The following EPHX1 variants were observed in gnomAD, a reference collection of about 807,000 sequenced individuals.
EPHX1 encodes epoxide hydratase.
In EPHX1, 40 loss-of-function variants were observed where a neutral mutation model predicts 43.2. The ratio of observed to expected loss-of-function variants is 0.93; its 90% CI spans 0.72 to 1.21. The LOEUF is 1.21. Among genes scored for constraint, EPHX1 ranks in the 50% most tolerant of loss-of-function variants. EPHX1 has a pLI of 0.00. For missense variants in EPHX1, 550 were observed against 570.4 expected (o/e 0.96, Z 0.36); for synonymous variants, 221 against 226.7 (o/e 0.98, Z 0.22).
At chr1:225,829,801 G>A (rs747959160) in intron 2 of EPHX1, among the ~76,000 whole-genome samples, 1 of 152,170 alleles carries the variant, frequency 6.6e-6, no homozygotes, top group Non-Finnish European at 1.5e-5. Flanking sequence ...TAGGCTAGGT[G>A]CGGTGGCTCA....
chr1:225,829,436 C>T (rs1667454900), intron 2 of EPHX1, among the ~76,000 whole-genome samples: 1 of 152,172 alleles, frequency 6.6e-6, no homozygotes, highest in South Asian at 2.1e-4. Context: ...TAAAGCAACT[C>T]GTTCAAGGCG....
chr1:225,834,039 A>G lies in EPHX1; in HGVS notation c.364+2080A>G, dbSNP rs562799841. On this transcript the variant is annotated intron_variant, in intron 3 of 8. Coordinates refer to ENST00000272167, the MANE Select transcript of EPHX1 (RefSeq NM_001136018.4). Reference sequence around the variant, plus strand: ...CGTGAACCCGGAAGGCGGAGCTTGCAGTGAGCCCAGATTGCGCCACTGCAC... The same window carrying G: ...CGTGAACCCGGAAGGCGGAGCTTGCGGTGAGCCCAGATTGCGCCACTGCAC... 3.5e-3 allele frequency among the ~76,000 whole-genome samples: 470 copies of G among 135,966 alleles called. 13 individuals are homozygous for G. Among genetic ancestry groups the G allele is most frequent in the Admixed American group, 0.034 (436 of 12,698 alleles). The allele number at this position is 135,966 out of a possible 152,430, so 89.2% of individuals were successfully genotyped here.
At position 225,828,809 on chromosome 1, in the gene EPHX1, T is replaced by C; in HGVS notation, c.80T>C (p.Leu27Ser). The C allele has an allele frequency of 6.2e-7, 1 of 1,613,836 alleles. No individual in the cohort carries two copies. The highest frequency in any genetic ancestry group is 1.1e-5 in the South Asian group (1 of 90,964). The change falls in exon 2 of 9, where the codon TTG becomes TCG. Residue 27 changes from leucine to serine, a missense_variant. Leu to Ser is a moderately radical substitution (Grantham distance 145). Coordinates refer to ENST00000272167, the MANE Select transcript of EPHX1 (RefSeq NM_001136018.4). ...ATCTCCCGGGACAAAGAGGAAACTT[T>C]GCCACTTGAAGATGGGTGGTGGGGG... is the stretch of plus-strand genomic sequence containing the variant. ...WFISRDKEET[L>S]PLEDGWWGPG...
rs776326898 is a variant in EPHX1 at position 225,845,241 on chromosome 1, TCTC to T, written c.1265_1267del (p.Ser422del). ...GTGAGGTTCAAGTACCCAAAGCTCA[TCTC>T]CTATTCCTACATGGTTCGTGGGGGC... On this transcript the variant is annotated inframe_deletion, in exon 9 of 9. Coordinates refer to ENST00000272167, the MANE Select transcript of EPHX1 (RefSeq NM_001136018.4). The T allele has an allele frequency of 1.3e-5, 21 of 1,614,058 alleles. No homozygotes were observed. Among genetic ancestry groups the T allele is most frequent in the East Asian group, 2.2e-5 (1 of 44,864 alleles).
chr1:225,825,885 C>A (rs909383346), intron 1 of EPHX1, among the ~76,000 whole-genome samples: 1 of 152,244 alleles, frequency 6.6e-6, no homozygotes, highest in Non-Finnish European at 1.5e-5. Context: ...ATGTGTCTCC[C>A]AGTCCCTAAC....
intron 3 of EPHX1, among the ~76,000 whole-genome samples, chr1:225,834,110 AAG>A (rs1553485369): frequency 8.5e-5 from 3 of 35,106 alleles, no homozygotes; most frequent in Non-Finnish European, 1.7e-4. Context: ...AAAAAAAAAA[AAG>A]AAAAAAAAAA....
Position 225,845,383 on chromosome 1 carries a change from C to A in EPHX1, c.*36C>A, listed in dbSNP as rs1180631633. 6 of 1,539,762 alleles carry A rather than the reference C, an allele frequency of 3.9e-6. 1 individual carries two copies. In the South Asian group the frequency reaches 4.7e-5, roughly 12 times the overall value. On this transcript the variant is annotated 3_prime_UTR_variant, in exon 9 of 9. Transcript: ENST00000272167. ...TCCCCCCGCCTGCCACCTCCCCCCA[C>A]AAGTGCCCTCCAGGCTTTTCTTGGG...
At position 225,817,530 on chromosome 1, in the gene EPHX1, C is replaced by T. The variant is rs1312253946; in HGVS notation, c.-6+7361C>T. Among the ~76,000 whole-genome samples, 2 of 152,152 alleles carry T rather than the reference C, an allele frequency of 1.3e-5. No individual in the cohort carries two copies. The highest frequency in any genetic ancestry group is 4.8e-5 in the African/African-American group (2 of 41,444). ...GGCAGTATGGGGGCAGGCTTGGGAC[C>T]AGGCCTGCAGAAGCAGCAGACCCTC... On this transcript the variant is annotated intron_variant, in intron 1 of 8. Transcript: ENST00000272167. The surrounding 1 kb of genome is among the most constrained non-coding windows in gnomAD (Gnocchi z 5.7).
At chr1:225,834,432 C>T (rs533246133) in intron 3 of EPHX1, among the ~76,000 whole-genome samples, 7 of 151,928 alleles carry the variant, frequency 4.6e-5, no homozygotes, top group South Asian at 2.1e-4. Flanking sequence ...GAAGGATGGA[C>T]GGAAACCTCG....
chr1:225,837,007 C>T (rs1211500901), intron 3 of EPHX1, among the ~76,000 whole-genome samples: 2 of 152,148 alleles, frequency 1.3e-5, no homozygotes, highest in African/African-American at 2.4e-5. Context: ...CAGTCTGGTT[C>T]GTTAATTGTA....
At chr1:225,813,728 C>T (rs1256343279) in intron 1 of EPHX1, among the ~76,000 whole-genome samples, 1 of 152,204 alleles carries the variant, frequency 6.6e-6, no homozygotes, top group Admixed American at 6.5e-5. Context: ...GTTCAGAGAC[C>T]TGGTGTGGAG....
intron 1 of EPHX1, among the ~76,000 whole-genome samples, chr1:225,824,445 TTAAA>T (rs1439510291): frequency 5.3e-5 from 8 of 152,160 alleles, no homozygotes; most frequent in African/African-American, 1.9e-4. Context: ...GATTCTTGCC[TTAAA>T]TAAGTGAAAA....
At chr1:225,822,665 T>G (rs181760005) in intron 1 of EPHX1, among the ~76,000 whole-genome samples, 2 of 152,336 alleles carry the variant, frequency 1.3e-5, no homozygotes, top group African/African-American at 2.4e-5. Context: ...AGGTGAAGGC[T>G]TAGCCACCAG....
chr1:225,845,035 C>T, intron 8 of EPHX1, 111 bp from the exon 9 acceptor site: 3 of 1,172,372 alleles, frequency 2.6e-6, no homozygotes, highest in Non-Finnish European at 3.8e-6. Flanking sequence ...TTTATGGCTC[C>T]TTGTGGGTGG....
intron 1 of EPHX1, among the ~76,000 whole-genome samples, chr1:225,818,804 A>G (rs139064996): frequency 3.3e-5 from 5 of 152,152 alleles, no homozygotes; most frequent in Admixed American, 6.5e-5. Context: ...TGCATTTCCA[A>G]AAGATCACTC....
chr1:225,835,522 T>G (rs534456145), intron 3 of EPHX1, among the ~76,000 whole-genome samples: 1 of 151,446 alleles, frequency 6.6e-6, no homozygotes, highest in Non-Finnish European at 1.5e-5. Context: ...CCCGAGTAGC[T>G]GGGACTACAG....
intron 2 of EPHX1, among the ~76,000 whole-genome samples, chr1:225,830,333 G>A (rs1667510509): frequency 6.6e-6 from 1 of 152,190 alleles, no homozygotes; most frequent in Admixed American, 6.5e-5. Flanking sequence ...GGGGGTAACT[G>A]AAACACTTGG....
At chr1:225,810,250 T>TGGGCGGCGGGCCGGGGCGCCGAGGGGTCG (rs1666407484) in intron 1 of EPHX1, 81 bp downstream of exon 1, 2 of 150,160 alleles carry the variant, frequency 1.3e-5, no homozygotes, top group East Asian at 3.9e-4. Context: ...GCCGCCGGGG[T>TGGGCGGCGGGCCGGGGCGCCGAGGGGTCG]GGGCGGCGGG....
In EPHX1 at chr1:225,839,931, T is replaced by C. The variant is rs781570910; in HGVS notation, c.825T>C (p.Thr275=). Residue 275 remains threonine (T), a synonymous_variant, in exon 6 of 9, where the codon ACT becomes ACC. Coordinates refer to ENST00000272167, the MANE Select transcript of EPHX1 (RefSeq NM_001136018.4). ...GTTTCGGGAGGTTTCTTGGCCTCAC[T>C]GAGAGGGATGTGGAGCTGCTGTACC... is the stretch of plus-strand genomic sequence containing the variant. ...GQRFGRFLGL[T]ERDVELLYPV... is the part of the protein sequence containing the mutation. 4.3e-6 allele frequency: 7 copies of C among 1,614,098 alleles called. No individual in the cohort carries two copies. Among genetic ancestry groups the C allele is most frequent in the Non-Finnish European group, 5.1e-6 (6 of 1,180,052 alleles).
Sources: gnomAD v4.1 joint callset for allele counts (sites outside exome capture counted in the v4.1 genomes callset) on GRCh38, gnomAD v4.1.1 for gene constraint, Gnocchi (gnomAD v3.1) non-coding constraint, MANE v1.5 for transcripts, NCBI Gene and HGNC (gene_info 2026-07-23, HGNC 2026-07-21) for gene names.